Variants in NLRP2 observed in about 807,000 individuals in gnomAD.
The protein encoded by NLRP2 is NACHT, LRR and PYD domains-containing protein 2.
A neutral mutation model predicts 97.2 loss-of-function variants in NLRP2; 107 were observed. The observed-to-expected ratio is 1.10, with a 90% CI of 0.94 to 1.29. The LOEUF is 1.29. NLRP2 is among the 50% of genes most tolerant of loss of function. NLRP2 has a pLI of 0.00. For synonymous variants in NLRP2, 663 were observed against 551.5 expected, an observed-to-expected ratio of 1.20 and a Z score of -2.83; for missense variants, 1,495 against 1,330.3, an observed-to-expected ratio of 1.12 and a Z score of -1.93.
chr19:54,972,131 C>T (rs757484225), intron 2 of NLRP2, among the ~76,000 whole-genome samples: 6 of 151,562 alleles, frequency 4.0e-5, no homozygotes, highest in South Asian at 2.1e-4. Context: ...CGTGAGCCAC[C>T]GCACCCAGCC....
Position 54,974,491 on chromosome 19 carries a change from C to G in NLRP2, c.281-9C>G. On this transcript the variant is annotated splice_polypyrimidine_tract_variant and intron_variant, in intron 2 of 12. Coordinates refer to ENST00000448584, the MANE Select transcript of NLRP2 (RefSeq NM_017852.5). Reference sequence around the variant, plus strand: ...AAATGCAAAATTTTCCCCCCTTCTCCTTTTTCAGAAGCAGCTTTGAAATCC... The same window carrying G: ...AAATGCAAAATTTTCCCCCCTTCTCGTTTTTCAGAAGCAGCTTTGAAATCC... 1 of 1,610,618 alleles carries G rather than the reference C, an allele frequency of 6.2e-7. No homozygotes were observed. The highest frequency in any genetic ancestry group is 8.5e-7 in the Non-Finnish European group (1 of 1,176,890).
At chr19:54,989,719 C>CA in intron 8 of NLRP2, 1 of 505,700 alleles carries the variant, frequency 2.0e-6, no homozygotes, top group Non-Finnish European at 3.6e-6. Context: ...CGCGGTGGCT[C>CA]ACGCCTGTCA....
rs756302043 is a variant in NLRP2 at position 54,990,197 on chromosome 19, GTCTC to G, written c.2537+8_2537+11del. 8 of 1,614,024 alleles carry G rather than the reference GTCTC, an allele frequency of 5.0e-6. No individual in the cohort carries two copies. In the African/African-American group the frequency reaches 6.7e-5, roughly 13 times the overall value. On this transcript the variant is annotated splice_donor_region_variant and intron_variant, in intron 9 of 12. Coordinates refer to ENST00000448584, the MANE Select transcript of NLRP2 (RefSeq NM_017852.5). ...GTGCTTTCTGCAGAGGTTGTCGTAA[GTCTC>G]TCCTCTCTTACAGAGCAGCTGTGCT...
chr19:54,983,284 C>A lies in NLRP2; in HGVS notation c.1586C>A (p.Thr529Asn), dbSNP rs113752373. 2.5e-6 allele frequency: 4 copies of A among 1,614,006 alleles called. No individual in the cohort carries two copies. The African/African-American group carries it at 5.3e-5, about 22-fold the overall frequency. ...GAGGAAGAGGATAGGGACGGCCACA[C>A]CTGGGACATTGGGGACGTACAGAAG... ...KEEEEDRDGH[T>N]WDIGDVQKLL... Residue 529 changes from threonine to asparagine, a missense_variant, in exon 6 of 13, where the codon ACC becomes AAC. By Grantham distance (65) the Thr-to-Asn change is moderately conservative (BLOSUM62 0). Transcript: ENST00000448584.
intron 10 of NLRP2, chr19:54,991,288 G>C (rs755107993): frequency 1.3e-5 from 2 of 156,478 alleles, no homozygotes; most frequent in African/African-American, 4.8e-5. Context: ...AGTGGCTCAC[G>C]CCTATAATCC....
chr19:54,973,456 ACCT>A (rs894125934), intron 2 of NLRP2, among the ~76,000 whole-genome samples: 3 of 140,184 alleles, frequency 2.1e-5, no homozygotes, highest in Non-Finnish European at 4.5e-5. Flanking sequence ...GCTCACTGTG[ACCT>A]CCTCCTCCCA....
Position 54,977,778 on chromosome 19 carries a change from C to T in NLRP2, c.352C>T (p.Leu118=). The change falls in exon 4 of 13, where the codon CTA becomes TTA. Residue 118 remains leucine, a synonymous_variant. Coordinates refer to ENST00000448584, the MANE Select transcript of NLRP2 (RefSeq NM_017852.5). ...GATAACACGGAAAGAACGACCACCT[C>T]TAGACGTGGACGAAATGCTGGAGCG... ...LGITRKERPP[L]DVDEMLERFK... is the part of the protein sequence containing the mutation. 6.2e-7 allele frequency: 1 copy of T among 1,613,914 alleles called. No homozygotes were observed. Among genetic ancestry groups the T allele is most frequent in the Non-Finnish European group, 8.5e-7 (1 of 1,180,034 alleles).
At chr19:54,972,081 A>ATCTGCCCGCC (rs1187606638) in intron 2 of NLRP2, among the ~76,000 whole-genome samples, 1 of 147,954 alleles carries the variant, frequency 6.8e-6, no homozygotes, top group East Asian at 2.0e-4. Context: ...TGACCTCATG[A>ATCTGCCCGCC]TCTGCCCGCC....
intron 12 of NLRP2, among the ~76,000 whole-genome samples, chr19:54,999,042 A>ACCCCCCCAACCTCACTCCCGGACG (rs1337867779): frequency 7.3e-6 from 1 of 136,102 alleles, no homozygotes; most frequent in Non-Finnish European, 1.6e-5. Context: ...CCTCCCGGAC[A>ACCCCCCCAACCTCACTCCCGGACG]GGGCGGCTGG....
In NLRP2 at chr19:54,970,132, C is replaced by T. The variant is rs1602294533; in HGVS notation, c.117C>T (p.Leu39=). ...LITTFSLAHE[L]QKIPHKEVDK... ...CGACCTTCTCCCTGGCACACGAGCTCCAGAAGATCCCCCACAAGGAGGTAG... is the reference window on the plus strand; with the variant it reads ...CGACCTTCTCCCTGGCACACGAGCTTCAGAAGATCCCCCACAAGGAGGTAG... Residue 39 remains leucine, a synonymous_variant, in exon 2 of 13, where the codon CTC becomes CTT. Transcript: ENST00000448584. 1 of 1,614,030 alleles carries T rather than the reference C, an allele frequency of 6.2e-7. No individual in the cohort carries two copies. Among genetic ancestry groups the T allele is most frequent in the Non-Finnish European group, 8.5e-7 (1 of 1,180,018 alleles).
chr19:55,000,970 CTCCT>C lies in NLRP2; in HGVS notation c.*73_*76del. The C allele has an allele frequency of 1.4e-6, 2 of 1,395,950 alleles. No individual in the cohort carries two copies. Among genetic ancestry groups the C allele is most frequent in the Admixed American group, 1.7e-5 (1 of 59,594 alleles). The allele number at this position is 1,395,950 out of a possible 1,614,324, so 86.5% of individuals were successfully genotyped here. On this transcript the variant is annotated 3_prime_UTR_variant, in exon 13 of 13. Coordinates refer to ENST00000448584, the MANE Select transcript of NLRP2 (RefSeq NM_017852.5). ...TGTTGGTGAACTGCCTGTGACTCCTCTCCTCCCCGGCCCCTACCCCTCAGGGATA... is the reference window on the plus strand; with the variant it reads ...TGTTGGTGAACTGCCTGTGACTCCTCCCCCGGCCCCTACCCCTCAGGGATA...
At chr19:54,995,641 A>C (rs1436785147) in intron 11 of NLRP2, among the ~76,000 whole-genome samples, 1 of 152,078 alleles carries the variant, frequency 6.6e-6, no homozygotes, top group African/African-American at 2.4e-5. Flanking sequence ...TGCTGGCTCT[A>C]TCAGCAGGTG....
Position 54,977,495 on chromosome 19 carries a change from G to A in NLRP2, c.326-257G>A, listed in dbSNP as rs1287887316. ...CCTTATGCGTGAGTAGTTTGTGTGTGTGTGTGTGTGTGTGTGTGTGTGTGT... is the reference window on the plus strand; with the variant it reads ...CCTTATGCGTGAGTAGTTTGTGTGTATGTGTGTGTGTGTGTGTGTGTGTGT... On this transcript the variant is annotated intron_variant, in intron 3 of 12. Transcript: ENST00000448584. 2.3e-5 allele frequency among the ~76,000 whole-genome samples: 3 copies of A among 128,414 alleles called. No homozygotes were observed. In the East Asian group the frequency reaches 6.1e-4, roughly 26 times the overall value. 84.2% of individuals were successfully genotyped at this position (128,414 alleles called of 152,430 possible). A position where few individuals can be genotyped will look rare whatever the true frequency, so the allele number is the denominator to read the frequency against.
At chr19:54,970,674 G>T (rs1205151131) in intron 2 of NLRP2, among the ~76,000 whole-genome samples, 2 of 150,562 alleles carry the variant, frequency 1.3e-5, no homozygotes, top group Non-Finnish European at 3.0e-5. Context: ...AAAAGAAATG[G>T]CATTGAGGCT....
intron 1 of NLRP2, among the ~76,000 whole-genome samples, chr19:54,966,856 T>A (rs2070468843): frequency 8.4e-6 from 1 of 119,468 alleles, no homozygotes. Flanking sequence ...TTTTTTCTTC[T>A]CTTTTTTGAG....
chr19:54,973,182 C>T (rs550180191), intron 2 of NLRP2, among the ~76,000 whole-genome samples: 300 of 150,302 alleles, frequency 2.0e-3, no homozygotes, highest in African/African-American at 7.1e-3. Flanking sequence ...CAGCAAGACT[C>T]CATCTCAAAA....
rs201044240 is a variant in NLRP2 at position 54,981,617 on chromosome 19, C to T, written c.398C>T (p.Ala133Val). ...TCTCACATGAGTTTGTATTTTGTAG[C>T]GTTTACAGAAACGAAAGGAAATGTC... is the stretch of plus-strand genomic sequence containing the variant. ...MLERFKTEAQ[A>V]FTETKGNVIC... The change falls in exon 5 of 13, where the codon GCG (alanine) becomes GTG (valine). Residue 133 changes from alanine (A) to valine (V), a missense_variant and splice_region_variant. Coordinates refer to ENST00000448584, the MANE Select transcript of NLRP2 (RefSeq NM_017852.5). 21 of 1,467,410 alleles carry T rather than the reference C, an allele frequency of 1.4e-5. No homozygotes were observed. The highest frequency in any genetic ancestry group is 6.7e-5 in the South Asian group (6 of 89,048). 90.9% of individuals were successfully genotyped at this position (1,467,410 alleles called of 1,614,324 possible). A position where few individuals can be genotyped will look rare whatever the true frequency, so the allele number is the denominator to read the frequency against.
Position 54,970,045 on chromosome 19 carries a change from C to T in NLRP2, c.30C>T (p.Asn10=). 1 of 1,614,006 alleles carries T rather than the reference C, an allele frequency of 6.2e-7. No individual in the cohort carries two copies. Among genetic ancestry groups the T allele is most frequent in the Middle Eastern group, 1.7e-4 (1 of 5,992 alleles). ...TGTCTTCGGCGCAGATGGGCTTCAA[C>T]CTGCAGGCTCTCCTGGAGCAGCTCA... MVSSAQMGF[N]LQALLEQLSQ... Residue 10 remains asparagine, a synonymous_variant, in exon 2 of 13, where the codon AAC becomes AAT. Transcript: ENST00000448584.
chr19:54,981,824 G>C (rs1476223455), intron 5 of NLRP2, 142 bp downstream of exon 5: 2 of 726,366 alleles, frequency 2.8e-6, no homozygotes, highest in Non-Finnish European at 2.5e-6. Context: ...TGTTGCCCAG[G>C]CTGGAGTGCC....
Sources: gnomAD v4.1 joint callset for allele counts (sites outside exome capture counted in the v4.1 genomes callset) on GRCh38, gnomAD v4.1.1 for gene constraint, MANE v1.5 for transcripts, NCBI Gene and HGNC (gene_info 2026-07-23, HGNC 2026-07-21) for gene names.